Variants in FBXO22 observed in about 807,000 individuals in gnomAD.
FBXO22 encodes F-box protein 22.
In FBXO22, 13 loss-of-function variants were observed where a neutral mutation model predicts 37.2. The ratio of observed to expected loss-of-function variants is 0.35; its 90% CI spans 0.23 to 0.56. The LOEUF is 0.56. Among genes scored for constraint, FBXO22 ranks in the 20% least tolerant of loss-of-function variants. FBXO22 has a pLI of 0.87. For synonymous variants in FBXO22, 189 were observed against 189.1 expected (o/e 1.00, Z 0.00); for missense variants, 446 against 509.9 (o/e 0.87, Z 1.21).
intron 1 of FBXO22, 112 bp from the exon 2 acceptor site, chr15:75,904,379 T>G: frequency 6.6e-7 from 1 of 1,517,470 alleles, no homozygotes; most frequent in East Asian, 2.3e-5. Context: ...CCCGGGGACT[T>G]TGGATCCCGC....
At chr15:75,908,353 A>G (rs1230781589) in intron 2 of FBXO22, among the ~76,000 whole-genome samples, 3 of 148,702 alleles carry the variant, frequency 2.0e-5, no homozygotes, top group Admixed American at 6.7e-5. Flanking sequence ...GCTCAGTGCA[A>G]CCTCCACCTT....
intron 2 of FBXO22, among the ~76,000 whole-genome samples, chr15:75,912,196 A>G (rs1448155403): frequency 6.6e-6 from 1 of 151,850 alleles, no homozygotes; most frequent in African/African-American, 2.4e-5. Context: ...GAGGATTTTC[A>G]TATCGATATT....
At chr15:75,904,153 GCA>G in intron 1 of FBXO22, 50 bp downstream of exon 1, 1 of 1,499,010 alleles carries the variant, frequency 6.7e-7, no homozygotes, top group African/African-American at 1.4e-5. Context: ...CACGCCGTGG[GCA>G]TGTCCCAGGC....
chr15:75,912,418 A>G (rs976569835), intron 2 of FBXO22, among the ~76,000 whole-genome samples: 2 of 152,056 alleles, frequency 1.3e-5, no homozygotes, highest in Non-Finnish European at 2.9e-5. Flanking sequence ...TTTGGTTGGT[A>G]GGCTATTAAT....
chr15:75,916,408 T>C (rs1900191836), intron 4 of FBXO22, among the ~76,000 whole-genome samples: 1 of 152,226 alleles, frequency 6.6e-6, no homozygotes, highest in Non-Finnish European at 1.5e-5. Context: ...GCTCTCTCAC[T>C]GTGTTCTCAT....
At chr15:75,925,224 T>C (rs1421408765) in intron 5 of FBXO22, among the ~76,000 whole-genome samples, 1 of 152,160 alleles carries the variant, frequency 6.6e-6, no homozygotes, top group African/African-American at 2.4e-5. Flanking sequence ...AATGTGAATT[T>C]TGGAAGTATT....
Position 75,937,202 on chromosome 15 carries a change from T to TATCA in FBXO22, c.*4102_*4105dup, listed in dbSNP as rs1417166996. 1 of 150,176 alleles carries TATCA rather than the reference T, an allele frequency of 6.7e-6. No homozygotes were observed. The highest frequency in any genetic ancestry group is 1.5e-5 in the Non-Finnish European group (1 of 67,610). 9.3% of individuals were successfully genotyped at this position (150,176 alleles called of 1,614,324 possible). A position where few individuals can be genotyped will look rare whatever the true frequency, so the allele number is the denominator to read the frequency against. ...AGGAAGCTGCAAGCTTTTGTTTGCC[T>TATCA]ATCAAAACATTAAAAAAAAAAAAGA... On this transcript the variant is annotated 3_prime_UTR_variant, in exon 7 of 7. Coordinates refer to ENST00000308275, the MANE Select transcript of FBXO22 (RefSeq NM_147188.3).
chr15:75,920,697 C>T (rs1900301603), intron 5 of FBXO22, among the ~76,000 whole-genome samples: 1 of 152,072 alleles, frequency 6.6e-6, no homozygotes, highest in South Asian at 2.1e-4. Flanking sequence ...GTGGCACGCA[C>T]CTGTAGTCCC....
At position 75,929,826 on chromosome 15, in the gene FBXO22, T is replaced by G. The variant is rs910574212; in HGVS notation, c.629-58T>G. On this transcript the variant is annotated intron_variant, in intron 5 of 6. Coordinates refer to ENST00000308275, the MANE Select transcript of FBXO22 (RefSeq NM_147188.3). ...CAGTAACATTTCATTTTGCAGCATG[T>G]ATAAAATAATTTCTGTTTTAAGGCT... The G allele has an allele frequency of 3.6e-5, 57 of 1,601,642 alleles. No homozygotes were observed. In the South Asian group the frequency reaches 5.1e-4, roughly 14 times the overall value.
rs1402520429 is a variant in FBXO22, at chr15:75,934,428, CTTTTGTAACAGTCAGTG to C, written c.*1327_*1343del. ...ATACAGTATGATGTAACTAATGTTA[CTTTTGTAACAGTCAGTG>C]GTTTGTTCTAACAGGACAGTAGAAC... On this transcript the variant is annotated 3_prime_UTR_variant, in exon 7 of 7. Transcript: ENST00000308275. 6.6e-6 allele frequency: 1 copy of C among 152,220 alleles called. No individual in the cohort carries two copies. The highest frequency in any genetic ancestry group is 2.4e-5 in the African/African-American group (1 of 41,458). 9.4% of individuals were successfully genotyped at this position (152,220 alleles called of 1,614,324 possible).
At chr15:75,932,395 CTG>C (rs1460629101) in intron 6 of FBXO22, among the ~76,000 whole-genome samples, 1 of 152,116 alleles carries the variant, frequency 6.6e-6, no homozygotes, top group Non-Finnish European at 1.5e-5. Context: ...GGTAAGGAAA[CTG>C]TACTTTCTAA....
intron 4 of FBXO22, among the ~76,000 whole-genome samples, chr15:75,914,730 G>A (rs1471094249): frequency 6.6e-6 from 1 of 152,110 alleles, no homozygotes; most frequent in Non-Finnish European, 1.5e-5. Flanking sequence ...GAGAGATTCT[G>A]TTGAGGCAGT....
At chr15:75,930,307 G>C in intron 6 of FBXO22, 1 of 1,377,950 alleles carries the variant, frequency 7.3e-7, no homozygotes, top group Non-Finnish European at 9.4e-7. Flanking sequence ...ATTGCCTGTT[G>C]ATCTTTCCTT....
At chr15:75,915,518 C>A (rs1900161792) in intron 4 of FBXO22, among the ~76,000 whole-genome samples, 1 of 152,072 alleles carries the variant, frequency 6.6e-6, no homozygotes, top group Non-Finnish European at 1.5e-5. Context: ...GTAATCCCAG[C>A]ACTTTAGGAG....
At chr15:75,915,179 C>T (rs1900155439) in intron 4 of FBXO22, among the ~76,000 whole-genome samples, 2 of 152,116 alleles carry the variant, frequency 1.3e-5, no homozygotes, top group African/African-American at 2.4e-5. Context: ...CCATGTTGGC[C>T]AGGCTGGTCT....
chr15:75,929,857 T>G (rs370309625), intron 5 of FBXO22, 27 bp from the exon 6 acceptor site: 35 of 1,613,258 alleles, frequency 2.2e-5, no homozygotes, highest in Non-Finnish European at 3.0e-5. Flanking sequence ...AGGCTGTCTT[T>G]AACTGTTGCT....
intron 5 of FBXO22, among the ~76,000 whole-genome samples, chr15:75,923,338 G>A (rs1038719746): frequency 6.6e-6 from 1 of 152,204 alleles, no homozygotes; most frequent in African/African-American, 2.4e-5. Context: ...TTTCTTATAG[G>A]TGTCCTTTCC....
Position 75,903,905 on chromosome 15 carries a change from C to T in FBXO22, c.-59C>T. The T allele has an allele frequency of 1.4e-6, 2 of 1,436,912 alleles. No homozygotes were observed. Among genetic ancestry groups the T allele is most frequent in the Non-Finnish European group, 1.8e-6 (2 of 1,091,292 alleles). The allele number at this position is 1,436,912 out of a possible 1,614,324, so 89.0% of individuals were successfully genotyped here. ...TGCGCGCCGGCCGGGCAACCCTATG[C>T]TGGCGTAATCGGGTTCCTCCGAGCC... is the stretch of plus-strand genomic sequence containing the variant. On this transcript the variant is annotated 5_prime_UTR_variant, in exon 1 of 7. Transcript: ENST00000308275.
Position 75,940,345 on chromosome 15 carries a change from T to C in FBXO22, c.*7243T>C, listed in dbSNP as rs2030817534. 6.6e-6 allele frequency: 1 copy of C among 150,686 alleles called. No homozygotes were observed. Among genetic ancestry groups the C allele is most frequent in the Admixed American group, 6.6e-5 (1 of 15,196 alleles). The allele number at this position is 150,686 out of a possible 1,614,324, so 9.3% of individuals were successfully genotyped here. A position where few individuals can be genotyped will look rare whatever the true frequency, so the allele number is the denominator to read the frequency against. ...AACATTGCTTCAATAAAGATAAAAATAAACGGAAATACATCTCATGTTCAT... is the reference window on the plus strand; with the variant it reads ...AACATTGCTTCAATAAAGATAAAAACAAACGGAAATACATCTCATGTTCAT... On this transcript the variant is annotated 3_prime_UTR_variant, in exon 7 of 7. Transcript: ENST00000308275.
Sources: gnomAD v4.1 joint callset for allele counts (sites outside exome capture counted in the v4.1 genomes callset) on GRCh38, gnomAD v4.1.1 for gene constraint, MANE v1.5 for transcripts, NCBI Gene and HGNC (gene_info 2026-07-23, HGNC 2026-07-21) for gene names.